OTUD4: variants seen among roughly 807,000 people sequenced by gnomAD.
OTUD4 encodes OTU domain-containing protein 4.
Under a neutral mutation model 130.4 loss-of-function variants are expected in OTUD4, and 24 were observed. That is an observed-to-expected ratio of 0.18 (90% CI 0.13 to 0.26). The LOEUF is 0.26. Among genes scored for constraint, OTUD4 ranks in the 10% least tolerant of loss-of-function variants. The pLI, the probability that OTUD4 is intolerant of heterozygous loss-of-function variation, is 1.00. For synonymous variants in OTUD4, 420 were observed against 472.5 expected (o/e 0.89, Z 1.44); for missense variants, 1,031 against 1,329.4 (o/e 0.78, Z 3.49).
chr4:145,140,867 C>CATTA (rs1553997116), intron 19 of OTUD4, among the ~76,000 whole-genome samples: 3 of 151,940 alleles, frequency 2.0e-5, no homozygotes, highest in African/African-American at 4.8e-5. Flanking sequence ...ATGCTAGAAA[C>CATTA]AAAAAAAAAT....
intron 13 of OTUD4, 42 bp from the exon 14 acceptor site, chr4:145,146,471 T>TAAAA: frequency 1.0e-6 from 1 of 971,996 alleles, no homozygotes; most frequent in Non-Finnish European, 1.4e-6. Context: ...CATAAATAAA[T>TAAAA]AAATAAATAA....
intron 3 of OTUD4, among the ~76,000 whole-genome samples, chr4:145,169,840 G>C (rs140294188): frequency 6.6e-6 from 1 of 152,318 alleles, no homozygotes; most frequent in Non-Finnish European, 1.5e-5. Flanking sequence ...AGAAACAACT[G>C]TCAGAAGATG....
intron 18 of OTUD4, 24 bp downstream of exon 18, chr4:145,142,172 A>G: frequency 6.2e-7 from 1 of 1,602,048 alleles, no homozygotes; most frequent in East Asian, 2.2e-5. Flanking sequence ...TTGGCTGGCT[A>G]GATTTTCTAA....
chr4:145,140,743 G>T (rs1309992039), intron 19 of OTUD4, among the ~76,000 whole-genome samples: 1 of 152,110 alleles, frequency 6.6e-6, no homozygotes, highest in Non-Finnish European at 1.5e-5. Flanking sequence ...AAGCTCCACA[G>T]TGTTTAGGTA....
At chr4:145,164,292 A>T in intron 4 of OTUD4, 66 bp from the exon 5 acceptor site, 1 of 783,408 alleles carries the variant, frequency 1.3e-6, no homozygotes, top group Non-Finnish European at 2.1e-6. Flanking sequence ...TTAATCATTC[A>T]TTCATTCATC....
intron 13 of OTUD4, among the ~76,000 whole-genome samples, chr4:145,147,491 C>T (rs1750879802): frequency 6.6e-6 from 1 of 152,160 alleles, no homozygotes; most frequent in Non-Finnish European, 1.5e-5. Context: ...ACTACCTTAT[C>T]ACCATCTCCT....
chr4:145,152,528 G>T lies in OTUD4; in HGVS notation c.968+13C>A, dbSNP rs375689292. ...GGAGGCAGTAAATGCCTTAGCTGAA[G>T]AGTAGTACATACTTCTTTCCCAGTT... On this transcript the variant is annotated intron_variant, in intron 11 of 20. Transcript: ENST00000447906. 550 of 1,434,870 alleles carry T rather than the reference G, an allele frequency of 3.8e-4. No homozygotes were observed. Among genetic ancestry groups the T allele is most frequent in the Non-Finnish European group, 5.0e-4 (516 of 1,022,942 alleles). 88.9% of individuals were successfully genotyped at this position (1,434,870 alleles called of 1,614,324 possible).
At chr4:145,148,540 C>T (rs745981034) in intron 13 of OTUD4, among the ~76,000 whole-genome samples, 1 of 151,572 alleles carries the variant, frequency 6.6e-6, no homozygotes, top group Non-Finnish European at 1.5e-5. Flanking sequence ...ATTACTGGTA[C>T]AAGACATCTA....
chr4:145,145,825 C>T (rs563802049), intron 14 of OTUD4, among the ~76,000 whole-genome samples: 2 of 152,322 alleles, frequency 1.3e-5, no homozygotes, highest in East Asian at 3.9e-4. Flanking sequence ...GTGCCTGACA[C>T]ATGGAGAAAG....
At position 145,142,200 on chromosome 4, in the gene OTUD4, T is replaced by C; in HGVS notation, c.1818A>G (p.Pro606=). 1 of 1,613,138 alleles carries C rather than the reference T, an allele frequency of 6.2e-7. No homozygotes were observed. The highest frequency in any genetic ancestry group is 8.5e-7 in the Non-Finnish European group (1 of 1,179,680). ...TTTTCTAAACCCTTCTCTAACCTGT[T>C]GGTCCAAAAGTTGTAGGTTCACTTG... ...AWPSEPTTFG[P]TGVPAPIPVL... The change falls in exon 18 of 21, where the codon CCA becomes CCG. Residue 606 remains proline (P), a synonymous_variant. Coordinates refer to ENST00000447906, the MANE Select transcript of OTUD4 (RefSeq NM_001366057.1).
rs535242184 is a variant in OTUD4 at position 145,155,383 on chromosome 4, CTCT to C, written c.873+25_873+27del. Reference sequence around the variant, plus strand: ...GAAAAAGCAAAGTTTCAAGTAAAATCTCTTCTTCTTTTACATAAGTCACTTACT... The same window carrying C: ...GAAAAAGCAAAGTTTCAAGTAAAATCTCTTCTTTTACATAAGTCACTTACT... On this transcript the variant is annotated intron_variant, in intron 10 of 20. Transcript: ENST00000447906. The C allele has an allele frequency of 5.2e-4, 822 of 1,577,082 alleles. 7 individuals are homozygous for C. The South Asian group carries it at 7.5e-3, about 14-fold the overall frequency.
chr4:145,177,499 G>C (rs1336762890), intron 1 of OTUD4, among the ~76,000 whole-genome samples: 1 of 152,196 alleles, frequency 6.6e-6, no homozygotes, highest in Non-Finnish European at 1.5e-5. Flanking sequence ...CACTTCGAAA[G>C]AATTAAAGTA....
At chr4:145,146,637 G>A (rs551136400) in intron 13 of OTUD4, among the ~76,000 whole-genome samples, 54 of 152,138 alleles carry the variant, frequency 3.5e-4, no homozygotes, top group African/African-American at 1.3e-3. Context: ...TTAAGCAAAT[G>A]GAAGCTCCTG....
chr4:145,151,460 C>G (rs935397972), intron 11 of OTUD4, among the ~76,000 whole-genome samples: 1 of 152,018 alleles, frequency 6.6e-6, no homozygotes, highest in African/African-American at 2.4e-5. Context: ...ATGGTCAAAC[C>G]CCATCTCTAC....
At chr4:145,160,532 G>A (rs946239349) in intron 6 of OTUD4, among the ~76,000 whole-genome samples, 5 of 152,180 alleles carry the variant, frequency 3.3e-5, no homozygotes, top group African/African-American at 1.2e-4. Flanking sequence ...CAACAATGGG[G>A]CCAGGTGTGG....
intron 18 of OTUD4, among the ~76,000 whole-genome samples, chr4:145,141,931 G>A (rs534220796): frequency 2.0e-5 from 3 of 152,164 alleles, no homozygotes; most frequent in African/African-American, 4.8e-5. Context: ...GCATCAAACC[G>A]TGGTGCTAAT....
intron 10 of OTUD4, among the ~76,000 whole-genome samples, chr4:145,153,287 A>G (rs899046742): frequency 2.0e-5 from 3 of 152,238 alleles, no homozygotes; most frequent in African/African-American, 7.2e-5. Flanking sequence ...CTGGTTCTGA[A>G]GGCAGGGCTG....
In OTUD4 at chr4:145,141,385, G is replaced by A; in HGVS notation, c.2077C>T (p.Pro693Ser). Residue 693 changes from proline to serine, a missense_variant, in exon 19 of 21, where the codon CCT becomes TCT. Transcript: ENST00000447906. ...ACTTGGAGAAGGAGCTCACCTTTAG[G>A]TAGGTCCTCCCCAGTCTGACACAGT... ...YSLCQTGEDL[P>S]KDKNILRFFF... 1.3e-6 allele frequency: 2 copies of A among 1,599,366 alleles called. No individual in the cohort carries two copies. Among genetic ancestry groups the A allele is most frequent in the Non-Finnish European group, 1.7e-6 (2 of 1,173,664 alleles).
chr4:145,172,570 T>C (rs1344396761), intron 2 of OTUD4, among the ~76,000 whole-genome samples: 1 of 152,228 alleles, frequency 6.6e-6, no homozygotes, highest in African/African-American at 2.4e-5. Flanking sequence ...AAGTCATTTG[T>C]TGAACCACCA....
Sources: gnomAD v4.1 joint callset for allele counts (sites outside exome capture counted in the v4.1 genomes callset) on GRCh38, gnomAD v4.1.1 for gene constraint, MANE v1.5 for transcripts, NCBI Gene and HGNC (gene_info 2026-07-23, HGNC 2026-07-21) for gene names.